The following ARHGEF10 variants were observed in gnomAD, a reference collection of about 807,000 sequenced individuals.
The protein encoded by ARHGEF10 is Rho guanine nucleotide exchange factor (GEF) 10.
In ARHGEF10, 140 loss-of-function variants were observed where a neutral mutation model predicts 147.4. That is an observed-to-expected ratio of 0.95 (90% CI 0.83 to 1.09). The LOEUF (loss-of-function observed/expected upper bound fraction) is 1.09. ARHGEF10 is among the 50% of genes least tolerant of loss of function. The probability of loss-of-function intolerance (pLI) is 0.00; values close to 1 mark genes in which losing one functional copy is unlikely to be tolerated. For missense variants in ARHGEF10, 2,222 were observed against 1,752.7 expected, an observed-to-expected ratio of 1.27 and a Z score of -4.78; for synonymous variants, 902 against 695.8, an observed-to-expected ratio of 1.30 and a Z score of -4.67.
chr8:1,897,272 G>A (rs1810053621), intron 14 of ARHGEF10, among the ~76,000 whole-genome samples: 1 of 152,354 alleles, frequency 6.6e-6, no homozygotes, highest in African/African-American at 2.4e-5. Context: ...GCCTTATCCA[G>A]CACGGCGGCT....
intron 13 of ARHGEF10, among the ~76,000 whole-genome samples, chr8:1,895,018 A>T (rs1219134716): frequency 6.6e-6 from 1 of 152,184 alleles, no homozygotes; most frequent in Non-Finnish European, 1.5e-5. Flanking sequence ...AATAGAAAAC[A>T]CGTGATGGGA....
chr8:1,825,651 G>T (rs1175791401), intron 1 of ARHGEF10, among the ~76,000 whole-genome samples: 1 of 152,050 alleles, frequency 6.6e-6, no homozygotes, highest in African/African-American at 2.4e-5. Context: ...CACTGAAGGT[G>T]AGGTCTGAGT....
Position 1,909,382 on chromosome 8 carries a change from T to A in ARHGEF10, c.2055T>A (p.Tyr685Ter). The change falls in exon 18 of 29, where the codon TAT becomes TAA. Residue 685 changes from tyrosine (Y) to a stop codon, truncating the protein, a stop_gained. Coordinates refer to ENST00000349830, the MANE Select transcript of ARHGEF10 (RefSeq NM_014629.4). LOFTEE classifies it high-confidence loss of function. Reference sequence around the variant, plus strand: ...TGGGACATGTGGACGCCATCGAGTATGGCAGCAGCGCAGGCACGGGCGAGC... The same window carrying A: ...TGGGACATGTGGACGCCATCGAGTAAGGCAGCAGCGCAGGCACGGGCGAGC... ...VPLGHVDAIEYGSSAGTGEHS... is the reference protein window; with the variant it reads ...VPLGHVDAIE 1 of 1,614,046 alleles carries A rather than the reference T, an allele frequency of 6.2e-7. No individual in the cohort carries two copies. The highest frequency in any genetic ancestry group is 8.5e-7 in the Non-Finnish European group (1 of 1,180,006).
At chr8:1,868,333 C>T (rs1403380600) in intron 6 of ARHGEF10, among the ~76,000 whole-genome samples, 1 of 152,136 alleles carries the variant, frequency 6.6e-6, no homozygotes, top group Non-Finnish European at 1.5e-5. Context: ...AAGCGGTTGT[C>T]TGTATGTTTT....
chr8:1,858,256 C>G, intron 3 of ARHGEF10, 141 bp downstream of exon 3: 1 of 730,824 alleles, frequency 1.4e-6, no homozygotes, highest in Non-Finnish European at 2.2e-6. Context: ...AGGTGAGTCC[C>G]CTGGGGGGTT....
intron 17 of ARHGEF10, among the ~76,000 whole-genome samples, chr8:1,908,872 G>C (rs1299641738): frequency 6.6e-6 from 1 of 152,160 alleles, no homozygotes; most frequent in Non-Finnish European, 1.5e-5. Flanking sequence ...TTCTATTAAA[G>C]TGGTTACAGT....
chr8:1,903,479 T>A, intron 16 of ARHGEF10, 28 bp downstream of exon 16: 1 of 1,612,852 alleles, frequency 6.2e-7, no homozygotes, highest in South Asian at 1.1e-5. Context: ...TCAACTCTAT[T>A]CCAAAATTAT....
chr8:1,928,939 G>A lies in ARHGEF10; in HGVS notation c.2921+289G>A, dbSNP rs1483631653. On this transcript the variant is annotated intron_variant, in intron 24 of 28. Transcript: ENST00000349830. ...TCATTTATATTAATGGTTTTGAAAA[G>A]GACATTCCCCCCTTATATTTTGGAA... Among the ~76,000 whole-genome samples, 5 of 152,254 alleles carry A rather than the reference G, an allele frequency of 3.3e-5. No individual in the cohort carries two copies. The East Asian group carries it at 9.7e-4, about 29-fold the overall frequency.
At chr8:1,885,165 A>C (rs1808551836) in intron 10 of ARHGEF10, among the ~76,000 whole-genome samples, 1 of 152,160 alleles carries the variant, frequency 6.6e-6, no homozygotes, top group South Asian at 2.1e-4. Context: ...GTGCCACCTC[A>C]GTTTTCAATG....
intron 1 of ARHGEF10, among the ~76,000 whole-genome samples, chr8:1,833,062 A>AGAGAGAGAGACAGAGG (rs1803320669): frequency 1.2e-4 from 2 of 16,094 alleles, no homozygotes; most frequent in Non-Finnish European, 3.1e-4. Flanking sequence ...GCAGAGAGAG[A>AGAGAGAGAGACAGAGG]CAGAGACAGA....
At position 1,867,083 on chromosome 8, in the gene ARHGEF10, C is replaced by T. The variant is rs536329990; in HGVS notation, c.622+481C>T. The stretch of plus-strand genomic sequence containing the variant: ...AACTTGGTGTTTTCTTTTATCTAAT[C>T]GTACAAATTTAAATGGGGATTCCCG... On this transcript the variant is annotated intron_variant, in intron 6 of 28. Coordinates refer to ENST00000349830, the MANE Select transcript of ARHGEF10 (RefSeq NM_014629.4). Among the ~76,000 whole-genome samples the T allele has an allele frequency of 1.1e-3, 163 of 147,302 alleles. No individual in the cohort carries two copies. The Middle Eastern group carries it at 0.021, about 19-fold the overall frequency.
chr8:1,888,937 G>GAGGAGACAGTGGGGTGAGAGTTA (rs1809102834), intron 11 of ARHGEF10, among the ~76,000 whole-genome samples: 2 of 120,342 alleles, frequency 1.7e-5, no homozygotes, highest in Non-Finnish European at 1.7e-5. Context: ...TGAGGGGTCT[G>GAGGAGACAGTGGGGTGAGAGTTA]TGACGAGACA....
intron 25 of ARHGEF10, among the ~76,000 whole-genome samples, chr8:1,933,328 A>T (rs754858464): frequency 1.3e-5 from 2 of 152,218 alleles, no homozygotes; most frequent in Non-Finnish European, 2.9e-5. Flanking sequence ...GTTCCTTTTA[A>T]TGATGACTGA....
At chr8:1,849,695 T>C (rs1204774165) in intron 2 of ARHGEF10, among the ~76,000 whole-genome samples, 1 of 133,324 alleles carries the variant, frequency 7.5e-6, no homozygotes, top group Non-Finnish European at 1.6e-5. Context: ...GGATGGCAAA[T>C]GCTGAGGAGG....
chr8:1,934,198 C>T (rs1004869246), intron 26 of ARHGEF10, among the ~76,000 whole-genome samples: 8 of 151,886 alleles, frequency 5.3e-5, no homozygotes, highest in Non-Finnish European at 1.2e-4. Flanking sequence ...TAGGGCAGTG[C>T]GCACCTGTAG....
intron 2 of ARHGEF10, among the ~76,000 whole-genome samples, chr8:1,856,970 G>A (rs1450368905): frequency 6.6e-6 from 1 of 152,156 alleles, no homozygotes; most frequent in Non-Finnish European, 1.5e-5. Flanking sequence ...CTGCTCTGAT[G>A]GTGGCACACA....
intron 25 of ARHGEF10, 103 bp downstream of exon 25, chr8:1,929,546 GC>G (rs770558632): frequency 1.0e-4 from 137 of 1,348,180 alleles, no homozygotes; most frequent in Admixed American, 2.8e-5. Context: ...CCTGCCTCCC[GC>G]CCCTGTGCCT....
Position 1,922,917 on chromosome 8 carries a change from T to C in ARHGEF10, c.2144-47T>C, listed in dbSNP as rs554345759. On this transcript the variant is annotated intron_variant, in intron 18 of 28. Transcript: ENST00000349830. ...CTTCCCTCAAGTATTGGAGTAAATA[T>C]GGCTTTACCTTTGTATTCTTTTTTT... The C allele has an allele frequency of 1.5e-5, 21 of 1,374,826 alleles. No individual in the cohort carries two copies. The African/African-American group carries it at 2.8e-4, about 19-fold the overall frequency. The allele number at this position is 1,374,826 out of a possible 1,614,324, so 85.2% of individuals were successfully genotyped here.
chr8:1,860,809 A>T (rs1343500811), intron 4 of ARHGEF10, among the ~76,000 whole-genome samples: 1 of 151,710 alleles, frequency 6.6e-6, no homozygotes, highest in East Asian at 1.9e-4. Context: ...GTCCCGTGTC[A>T]CCTGCTTGTC....
Sources: gnomAD v4.1 joint callset for allele counts (sites outside exome capture counted in the v4.1 genomes callset) on GRCh38, gnomAD v4.1.1 for gene constraint, MANE v1.5 for transcripts, NCBI Gene and HGNC (gene_info 2026-07-23, HGNC 2026-07-21) for gene names.